Variants in BMP6 observed in about 807,000 individuals in gnomAD.
BMP6 encodes the protein VG-1-R.
A neutral mutation model predicts 54.1 loss-of-function variants in BMP6; 17 were observed. The ratio of observed to expected loss-of-function variants is 0.31; its 90% CI spans 0.22 to 0.47. The LOEUF is 0.47. Among genes scored for constraint, BMP6 ranks in the 20% least tolerant of loss-of-function variants. The probability of loss-of-function intolerance (pLI) is 1.00; values close to 1 mark genes in which losing one functional copy is unlikely to be tolerated. For missense variants in BMP6, 720 were observed against 690.4 expected, an observed-to-expected ratio of 1.04 and a Z score of -0.48; for synonymous variants, 328 against 291.2, an observed-to-expected ratio of 1.13 and a Z score of -1.28.
At chr6:7,754,373 C>T (rs970255742) in intron 1 of BMP6, among the ~76,000 whole-genome samples, 56 of 152,164 alleles carry the variant, frequency 3.7e-4, no homozygotes, top group East Asian at 1.9e-4. Flanking sequence ...CTTCCCAAAG[C>T]GCTGGGATTA....
At chr6:7,798,323 CG>C (rs912362553) in intron 1 of BMP6, among the ~76,000 whole-genome samples, 1 of 152,154 alleles carries the variant, frequency 6.6e-6, no homozygotes, top group South Asian at 2.1e-4. Context: ...TCGAGCCCAG[CG>C]GGGACCACAG....
chr6:7,881,472 CTATTT>C lies in BMP6; in HGVS notation c.*1133_*1137del, dbSNP rs975498664. The C allele has an allele frequency of 2.0e-5, 3 of 152,408 alleles. No individual in the cohort carries two copies. Among genetic ancestry groups the C allele is most frequent in the African/African-American group, 7.2e-5 (3 of 41,462 alleles). The allele number at this position is 152,408 out of a possible 1,614,324, so 9.4% of individuals were successfully genotyped here. ...GTAAATATAAACTATAATTTATTGT[CTATTT>C]TATATCTGTTTTGCTGTAACATTGA... On this transcript the variant is annotated 3_prime_UTR_variant, in exon 7 of 7. Coordinates refer to ENST00000283147, the MANE Select transcript of BMP6 (RefSeq NM_001718.6).
chr6:7,878,205 A>G (rs1759652325), intron 4 of BMP6, among the ~76,000 whole-genome samples: 1 of 151,850 alleles, frequency 6.6e-6, no homozygotes, highest in African/African-American at 2.4e-5. Flanking sequence ...TCTGGTTTGT[A>G]TTGGAGTTAT....
Position 7,727,577 on chromosome 6 carries a change from T to C in BMP6, c.622T>C (p.Phe208Leu). Residue 208 changes from phenylalanine to leucine, a missense_variant, in exon 1 of 7, where the codon TTC (phenylalanine) becomes CTC (leucine). Phe to Leu is a conservative substitution (Grantham distance 22). Transcript: ENST00000283147. ...ACTGACCAGCGCGCAGGACAGCGCC[T>C]TCCTCAACGACGCGGACATGGTCAT... The part of the protein sequence containing the change: ...SPLTSAQDSA[F>L]LNDADMVMSF... The C allele has an allele frequency of 6.3e-7, 1 of 1,583,070 alleles. No individual in the cohort carries two copies. Among genetic ancestry groups the C allele is most frequent in the Non-Finnish European group, 8.5e-7 (1 of 1,173,548 alleles).
At chr6:7,810,347 A>G (rs1040488538) in intron 1 of BMP6, among the ~76,000 whole-genome samples, 2 of 152,234 alleles carry the variant, frequency 1.3e-5, no homozygotes, top group African/African-American at 4.8e-5. Flanking sequence ...TCAGTTCAAT[A>G]TCTTGAATTT....
At chr6:7,842,184 TACCATCTCTCACA>T (rs926678129) in intron 1 of BMP6, among the ~76,000 whole-genome samples, 1 of 152,192 alleles carries the variant, frequency 6.6e-6, no homozygotes, top group African/African-American at 2.4e-5. Flanking sequence ...AACAACGAGT[TACCATCTCTCACA>T]GTCTTGTGGA....
At chr6:7,798,076 A>G (rs1318847601) in intron 1 of BMP6, among the ~76,000 whole-genome samples, 1 of 152,158 alleles carries the variant, frequency 6.6e-6, no homozygotes, top group East Asian at 1.9e-4. Context: ...TCTAAGTCTA[A>G]TCTTATAGTC....
At chr6:7,861,908 C>T (rs1581283488) in intron 3 of BMP6, among the ~76,000 whole-genome samples, 1 of 152,266 alleles carries the variant, frequency 6.6e-6, no homozygotes, top group African/African-American at 2.4e-5. Flanking sequence ...AAGAGAGAGG[C>T]AGGCGCATCT....
Position 7,729,874 on chromosome 6 carries a change from T to G in BMP6, c.664+2255T>G, listed in dbSNP as rs376012683. ...GGAGGTGGAAACCAGGTAGCAGTAT[T>G]TTTTTGTTCAAAAATAAAGAGGATC... On this transcript the variant is annotated intron_variant, in intron 1 of 6. Coordinates refer to ENST00000283147, the MANE Select transcript of BMP6 (RefSeq NM_001718.6). Among the ~76,000 whole-genome samples, 815 of 152,270 alleles carry G rather than the reference T, an allele frequency of 5.4e-3. 2 individuals carry two copies. Among genetic ancestry groups the G allele is most frequent in the African/African-American group, 0.015 (617 of 41,548 alleles).
chr6:7,830,821 A>G (rs951296248), intron 1 of BMP6, among the ~76,000 whole-genome samples: 86 of 151,542 alleles, frequency 5.7e-4, no homozygotes, highest in Non-Finnish European at 7.9e-4. Flanking sequence ...ACCCACCCCC[A>G]CGATTCAACT....
At chr6:7,732,304 AT>A in intron 1 of BMP6, among the ~76,000 whole-genome samples, 1 of 152,242 alleles carries the variant, frequency 6.6e-6, no homozygotes, top group East Asian at 1.9e-4. Context: ...CAAAGAGTAA[AT>A]TTGAAATTCA....
intron 1 of BMP6, among the ~76,000 whole-genome samples, chr6:7,759,127 G>A (rs1246847546): frequency 6.6e-6 from 1 of 152,056 alleles, no homozygotes; most frequent in Non-Finnish European, 1.5e-5. Context: ...CGCTGTCTTG[G>A]GATTTGACAT....
intron 1 of BMP6, among the ~76,000 whole-genome samples, chr6:7,802,966 T>C (rs1450734794): frequency 6.6e-6 from 1 of 152,180 alleles, no homozygotes; most frequent in Admixed American, 6.5e-5. Context: ...CAACAGATGC[T>C]AAGAGAGATA....
intron 1 of BMP6, among the ~76,000 whole-genome samples, chr6:7,824,962 T>A (rs1366863844): frequency 6.6e-6 from 1 of 152,214 alleles, no homozygotes; most frequent in Non-Finnish European, 1.5e-5. Context: ...GGCAGAAGAA[T>A]CTTCCTGCTG....
At chr6:7,825,179 G>T (rs564433410) in intron 1 of BMP6, among the ~76,000 whole-genome samples, 2 of 151,848 alleles carry the variant, frequency 1.3e-5, no homozygotes, top group Non-Finnish European at 1.5e-5. Flanking sequence ...AACTAGCTGG[G>T]TATGGTGGCA....
chr6:7,823,493 G>A (rs577465758), intron 1 of BMP6, among the ~76,000 whole-genome samples: 1 of 152,164 alleles, frequency 6.6e-6, no homozygotes, highest in Non-Finnish European at 1.5e-5. Flanking sequence ...AGTGGAAGAG[G>A]TAACAATAAA....
chr6:7,880,895 T>G lies in BMP6; in HGVS notation c.*552T>G, dbSNP rs1759710525. On this transcript the variant is annotated 3_prime_UTR_variant, in exon 7 of 7. Coordinates refer to ENST00000283147, the MANE Select transcript of BMP6 (RefSeq NM_001718.6). Reference sequence around the variant, plus strand: ...GCTCCACGGGGCGCCCTTGTCTCAGTCATTGCTGTTGTATGTTCGTGCTGG... The same window carrying G: ...GCTCCACGGGGCGCCCTTGTCTCAGGCATTGCTGTTGTATGTTCGTGCTGG... The G allele has an allele frequency of 6.4e-6, 1 of 155,522 alleles. No individual in the cohort carries two copies. Among genetic ancestry groups the G allele is most frequent in the African/African-American group, 2.4e-5 (1 of 41,478 alleles). 9.6% of individuals were successfully genotyped at this position (155,522 alleles called of 1,614,324 possible). A position where few individuals can be genotyped will look rare whatever the true frequency, so the allele number is the denominator to read the frequency against.
chr6:7,865,318 C>G (rs1411026821), intron 4 of BMP6, among the ~76,000 whole-genome samples: 1 of 152,124 alleles, frequency 6.6e-6, no homozygotes, highest in East Asian at 1.9e-4. Flanking sequence ...TGCTTTGTCC[C>G]TTTCAGTAGT....
At chr6:7,835,326 A>G (rs1202066439) in intron 1 of BMP6, among the ~76,000 whole-genome samples, 5 of 152,266 alleles carry the variant, frequency 3.3e-5, no homozygotes, top group Non-Finnish European at 4.4e-5. Context: ...GTTAGCCAGG[A>G]TGGTCTCGAT....
Sources: gnomAD v4.1 joint callset for allele counts (sites outside exome capture counted in the v4.1 genomes callset) on GRCh38, gnomAD v4.1.1 for gene constraint, MANE v1.5 for transcripts, NCBI Gene and HGNC (gene_info 2026-07-23, HGNC 2026-07-21) for gene names.